The following PDE1C variants were observed in gnomAD, a reference collection of about 807,000 sequenced individuals.
The protein encoded by PDE1C is phosphodiesterase 1C.
Under a neutral mutation model 93.1 loss-of-function variants are expected in PDE1C, and 62 were observed. The ratio of observed to expected loss-of-function variants is 0.67; its 90% CI spans 0.54 to 0.82. The LOEUF (loss-of-function observed/expected upper bound fraction) is 0.82. Ranked by LOEUF, PDE1C falls within the 40% of genes least tolerant of loss-of-function variation. The probability of loss-of-function intolerance (pLI) is 0.00; values close to 1 mark genes in which losing one functional copy is unlikely to be tolerated. For synonymous variants in PDE1C, 325 were observed against 310.1 expected (o/e 1.05, Z -0.50); for missense variants, 742 against 884.6 (o/e 0.84, Z 2.04).
chr7:31,987,676 T>G (rs17160742), intron 2 of PDE1C, among the ~76,000 whole-genome samples: 24,675 of 152,196 alleles, frequency 0.16, 2,486 homozygotes, highest in African/African-American at 0.28. Flanking sequence ...TGTTTTTTGT[T>G]TTTCTTAGAG....
chr7:32,043,422 C>T (rs1792111262), intron 2 of PDE1C, among the ~76,000 whole-genome samples: 1 of 152,164 alleles, frequency 6.6e-6, no homozygotes, highest in African/African-American at 2.4e-5. Context: ...TTTTGAAGCA[C>T]CCTGATATGC....
Position 32,123,779 on chromosome 7 carries a change from C to T in PDE1C, c.308+46006G>A, listed in dbSNP as rs191526631. The stretch of plus-strand genomic sequence containing the variant: ...AAATGGGCAAAAGCTTTAAGCATTC[C>T]TTTAGAAAACTGGTACAAGACAAGG... On this transcript the variant is annotated intron_variant, in intron 3 of 18. Transcript: ENST00000396193. 4.6e-5 allele frequency among the ~76,000 whole-genome samples: 7 copies of T among 152,266 alleles called. No individual in the cohort carries two copies. In the East Asian group the frequency reaches 1.4e-3, roughly 29 times the overall value.
intron 1 of PDE1C, among the ~76,000 whole-genome samples, chr7:32,218,418 A>T (rs1023248553): frequency 2.6e-5 from 4 of 152,234 alleles, no homozygotes; most frequent in African/African-American, 9.6e-5. Flanking sequence ...TCCTAGAGTA[A>T]TGGGCAAATC....
intron 1 of PDE1C, among the ~76,000 whole-genome samples, chr7:32,357,567 G>A (rs949312836): frequency 1.3e-5 from 2 of 152,134 alleles, no homozygotes; most frequent in Admixed American, 6.6e-5. Flanking sequence ...TAGAAAGTGG[G>A]TATTCAAATA....
At chr7:32,276,406 T>C (rs1554299351) in intron 1 of PDE1C, among the ~76,000 whole-genome samples, 1 of 152,202 alleles carries the variant, frequency 6.6e-6, no homozygotes, top group Non-Finnish European at 1.5e-5. Flanking sequence ...TTCCCAAACA[T>C]ACAACATCTC....
chr7:31,651,380 G>T, the PDE1C span: 7 of 1,255,182 alleles, frequency 5.6e-6, no homozygotes, highest in East Asian at 2.7e-5. Flanking sequence ...ATGAGAAACC[G>T]GCCAGCTTTT....
At chr7:32,265,105 G>C (rs1562632081) in intron 1 of PDE1C, among the ~76,000 whole-genome samples, 1 of 152,226 alleles carries the variant, frequency 6.6e-6, no homozygotes. Flanking sequence ...CCACTCCAGA[G>C]AGAGCAACCT....
At chr7:32,257,684 G>A (rs1280135971) in intron 1 of PDE1C, among the ~76,000 whole-genome samples, 8 of 152,132 alleles carry the variant, frequency 5.3e-5, no homozygotes, top group South Asian at 2.1e-4. Flanking sequence ...AGAAGTGGTG[G>A]CTATCTCTTA....
the PDE1C span, among the ~76,000 whole-genome samples, chr7:31,675,504 C>A: frequency 6.6e-6 from 1 of 152,080 alleles, no homozygotes; most frequent in East Asian, 1.9e-4. Context: ...ATCTTTCATC[C>A]TCCATGCCAC....
intron 1 of PDE1C, among the ~76,000 whole-genome samples, chr7:32,310,072 GA>G (rs1782973640): frequency 6.6e-6 from 1 of 151,386 alleles, no homozygotes; most frequent in Admixed American, 6.6e-5. Context: ...CAAGCAAATG[GA>G]AAACAAAAAA....
chr7:31,997,471 G>A (rs138532629), intron 2 of PDE1C, among the ~76,000 whole-genome samples: 85 of 152,278 alleles, frequency 5.6e-4, no homozygotes, highest in African/African-American at 1.9e-3. Flanking sequence ...CACAGAAAGC[G>A]TAGATACTAC....
At chr7:32,103,617 C>T (rs1048504927) in intron 3 of PDE1C, among the ~76,000 whole-genome samples, 3 of 152,190 alleles carry the variant, frequency 2.0e-5, no homozygotes, top group African/African-American at 4.8e-5. Flanking sequence ...GCCCAACAAT[C>T]GACAAGACCC....
At chr7:32,190,454 T>C (rs540569543) in intron 2 of PDE1C, among the ~76,000 whole-genome samples, 2 of 152,346 alleles carry the variant, frequency 1.3e-5, no homozygotes, top group East Asian at 3.9e-4. Context: ...TGGTGCTCCA[T>C]AAGTATTTGT....
the PDE1C span, among the ~76,000 whole-genome samples, chr7:31,732,636 T>TTG: frequency 0.053 from 5,478 of 103,100 alleles, 373 homozygotes; most frequent in African/African-American, 0.15. Flanking sequence ...TCTCCTCTCT[T>TTG]TCTGTGTGTG....
intron 2 of PDE1C, among the ~76,000 whole-genome samples, chr7:31,905,936 AAGG>A (rs1273936896): frequency 2.0e-5 from 3 of 152,148 alleles, no homozygotes; most frequent in African/African-American, 4.8e-5. Context: ...TTGCTGCAAG[AAGG>A]AGAATTGGGC....
At chr7:32,071,167 A>G (rs1796022826), upstream of PDE1C, 2 of 985,268 alleles carry the variant, frequency 2.0e-6, no homozygotes, top group South Asian at 4.7e-5. Flanking sequence ...CGCGGCCACC[A>G]CCGACCTGCG....
chr7:31,986,830 T>C (rs1783455586), intron 2 of PDE1C, among the ~76,000 whole-genome samples: 2 of 152,142 alleles, frequency 1.3e-5, no homozygotes, highest in South Asian at 4.1e-4. Context: ...ACCTGGTTTG[T>C]GATAATTTGC....
intron 2 of PDE1C, among the ~76,000 whole-genome samples, chr7:31,976,613 G>T (rs1811705090): frequency 6.6e-6 from 1 of 152,110 alleles, no homozygotes; most frequent in African/African-American, 2.4e-5. Flanking sequence ...CCTCCAAAAT[G>T]CATGCTGAAT....
intron 1 of PDE1C, among the ~76,000 whole-genome samples, chr7:32,341,151 A>T (rs1011162280): frequency 2.0e-5 from 3 of 150,018 alleles, no homozygotes; most frequent in Non-Finnish European, 4.4e-5. Flanking sequence ...CTGTCAACCT[A>T]AAACTACTCT....
Sources: allele counts gnomAD v4.1 joint callset (sites outside exome capture counted in the v4.1 genomes callset), GRCh38; gene constraint gnomAD v4.1.1; transcripts MANE v1.5; gene names NCBI Gene and HGNC (gene_info 2026-07-23, HGNC 2026-07-21).